Variants in DIAPH3 observed in about 807,000 individuals in gnomAD.
The protein encoded by DIAPH3 is diaphanous related formin 3.
Under a neutral mutation model 144.3 loss-of-function variants are expected in DIAPH3, and 117 were observed. The observed-to-expected ratio is 0.81, with a 90% confidence interval of 0.70 to 0.95. The LOEUF is 0.95. Among genes scored for constraint, DIAPH3 ranks in the 40% least tolerant of loss-of-function variants. DIAPH3 has a pLI of 0.00. For missense variants in DIAPH3, 1,421 were observed against 1,412.7 expected, an observed-to-expected ratio of 1.01 and a Z score of -0.09; for synonymous variants, 519 against 488.9, an observed-to-expected ratio of 1.06 and a Z score of -0.81.
intron 1 of DIAPH3, among the ~76,000 whole-genome samples, chr13:60,153,149 T>A (rs905110377): frequency 6.6e-6 from 1 of 152,034 alleles, no homozygotes; most frequent in Non-Finnish European, 1.5e-5. Context: ...CCAAGCAACA[T>A]CATGACACAA....
intron 5 of DIAPH3, among the ~76,000 whole-genome samples, chr13:60,024,071 T>C (rs956269518): frequency 1.3e-5 from 2 of 151,416 alleles, no homozygotes; most frequent in Admixed American, 1.3e-4. Flanking sequence ...GCCAGGCTGG[T>C]CTCAAACTCC....
At chr13:60,008,365 C>T (rs776121629) in intron 9 of DIAPH3, among the ~76,000 whole-genome samples, 179 bp downstream of exon 9, 7 of 152,132 alleles carry the variant, frequency 4.6e-5, no homozygotes, top group Non-Finnish European at 7.4e-5. Context: ...CACTGCACTC[C>T]AGCCTGGGCG....
rs117727548 is a variant in DIAPH3 at position 59,843,998 on chromosome 13, T to C, written c.2738-4550A>G. ...AGAATCAGGAAAAATAGCTAATGCA[T>C]GGCAGGCTTAATACCTAGGTAATGG... On this transcript the variant is annotated intron_variant, in intron 22 of 27. Transcript: ENST00000400324. Among the ~76,000 whole-genome samples the C allele has an allele frequency of 7.3e-3, 1,112 of 151,988 alleles. 12 individuals are homozygous for C. Among genetic ancestry groups the C allele is most frequent in the Non-Finnish European group, 0.012 (822 of 68,012 alleles).
intron 27 of DIAPH3, among the ~76,000 whole-genome samples, chr13:59,680,698 T>C (rs1232025874): frequency 6.6e-6 from 1 of 152,066 alleles, no homozygotes; most frequent in Non-Finnish European, 1.5e-5. Context: ...TTTTGGTGAC[T>C]TAAAAAATAT....
intron 27 of DIAPH3, among the ~76,000 whole-genome samples, chr13:59,736,764 A>G (rs1222436890): frequency 6.6e-6 from 1 of 152,168 alleles, no homozygotes; most frequent in Non-Finnish European, 1.5e-5. Flanking sequence ...AAACTATACA[A>G]CAGGGCCACA....
At chr13:59,947,458 A>G (rs1192754651) in intron 17 of DIAPH3, among the ~76,000 whole-genome samples, 7 of 152,330 alleles carry the variant, frequency 4.6e-5, no homozygotes, top group Non-Finnish European at 1.0e-4. Context: ...CATGAAAAGA[A>G]GTAATATTTT....
intron 2 of DIAPH3, among the ~76,000 whole-genome samples, chr13:60,130,583 C>T (rs1359836598): frequency 1.3e-5 from 2 of 152,162 alleles, no homozygotes; most frequent in African/African-American, 2.4e-5. Flanking sequence ...TGACTAGCGC[C>T]AAGCCAGGCT....
intron 21 of DIAPH3, among the ~76,000 whole-genome samples, chr13:59,876,736 T>A (rs1397060788): frequency 6.6e-6 from 1 of 152,106 alleles, no homozygotes; most frequent in African/African-American, 2.4e-5. Flanking sequence ...ATGCAGCCAG[T>A]TTTTTTGTGT....
chr13:59,855,221 T>C (rs551300524), intron 22 of DIAPH3, among the ~76,000 whole-genome samples: 3 of 152,186 alleles, frequency 2.0e-5, no homozygotes, highest in Non-Finnish European at 4.4e-5. Context: ...GGAAATAAAC[T>C]GGCAGGATTT....
intron 22 of DIAPH3, among the ~76,000 whole-genome samples, chr13:59,859,653 T>C (rs1277191166): frequency 6.6e-6 from 1 of 152,152 alleles, no homozygotes; most frequent in Non-Finnish European, 1.5e-5. Flanking sequence ...TTAATGTCCA[T>C]CAAGAATACT....
intron 4 of DIAPH3, among the ~76,000 whole-genome samples, chr13:60,073,126 T>C (rs569198681): frequency 2.0e-5 from 3 of 152,180 alleles, no homozygotes; most frequent in South Asian, 2.1e-4. Context: ...CTGGTAGACA[T>C]GGCAAAACCC....
chr13:60,162,668 T>C (rs1952347860), intron 1 of DIAPH3, among the ~76,000 whole-genome samples: 1 of 152,204 alleles, frequency 6.6e-6, no homozygotes, highest in Non-Finnish European at 1.5e-5. Context: ...TCAACTATTA[T>C]TTTTAACTAA....
intron 17 of DIAPH3, among the ~76,000 whole-genome samples, chr13:59,945,550 T>C (rs2140408241): frequency 6.6e-6 from 1 of 151,938 alleles, no homozygotes; most frequent in Middle Eastern, 3.4e-3. Context: ...GCTGCAATCC[T>C]AGGCATAGTA....
At chr13:59,826,693 T>C (rs1415450381) in intron 24 of DIAPH3, among the ~76,000 whole-genome samples, 3 of 151,802 alleles carry the variant, frequency 2.0e-5, no homozygotes, top group East Asian at 1.9e-4. Context: ...TTAAAGTTCA[T>C]ATGGAACCAA....
At chr13:59,879,580 A>C in intron 20 of DIAPH3, 112 bp from the exon 21 acceptor site, 1 of 1,445,628 alleles carries the variant, frequency 6.9e-7, no homozygotes, top group Non-Finnish European at 9.5e-7. Context: ...CAAAGAAGAA[A>C]TATGTCTCCT....
intron 4 of DIAPH3, among the ~76,000 whole-genome samples, chr13:60,051,455 A>G (rs1196267190): frequency 6.6e-6 from 1 of 152,088 alleles, no homozygotes. Context: ...CCCTGTCTCT[A>G]TTAAAAATAC....
chr13:60,121,778 G>T (rs2058851291), intron 2 of DIAPH3, among the ~76,000 whole-genome samples: 1 of 152,150 alleles, frequency 6.6e-6, no homozygotes, highest in Non-Finnish European at 1.5e-5. Flanking sequence ...GATTACTGAT[G>T]ATATGAATTG....
intron 23 of DIAPH3, 74 bp downstream of exon 23, chr13:59,839,250 G>A: frequency 5.7e-6 from 9 of 1,573,490 alleles, no homozygotes; most frequent in Non-Finnish European, 7.8e-6. Context: ...GTTACACAAA[G>A]ACATCTAAAA....
At chr13:60,096,611 C>T (rs559854935) in intron 3 of DIAPH3, among the ~76,000 whole-genome samples, 1 of 152,260 alleles carries the variant, frequency 6.6e-6, no homozygotes, top group African/African-American at 2.4e-5. Flanking sequence ...AAGGACGATC[C>T]GCCCTCAGTA....
Sources: allele counts gnomAD v4.1 joint callset (sites outside exome capture counted in the v4.1 genomes callset), GRCh38; gene constraint gnomAD v4.1.1; transcripts MANE v1.5; gene names NCBI Gene and HGNC (gene_info 2026-07-23, HGNC 2026-07-21).